EPHA4: variants seen among roughly 807,000 people sequenced by gnomAD.
EPHA4 encodes ephrin type-A receptor 4.
EPHA4 carries 19 observed loss-of-function variants against 108.3 expected under a neutral mutation model. The observed-to-expected ratio is 0.18, with a 90% CI of 0.12 to 0.26. EPHA4 has a LOEUF of 0.26. Among genes scored for constraint, EPHA4 ranks in the 10% least tolerant of loss-of-function variants. The pLI is 1.00. For missense variants in EPHA4, 917 were observed against 1,254.0 expected, an observed-to-expected ratio of 0.73 and a Z score of 4.06; for synonymous variants, 449 against 455.5, an observed-to-expected ratio of 0.99 and a Z score of 0.18.
intron 15 of EPHA4, 81 bp downstream of exon 15, chr2:221,429,877 C>T: frequency 6.6e-7 from 1 of 1,515,710 alleles, no homozygotes; most frequent in South Asian, 1.2e-5. Flanking sequence ...GATGAAAAGG[C>T]AGGAATTTAA....
intron 3 of EPHA4, among the ~76,000 whole-genome samples, chr2:221,521,073 T>C (rs1438100102): frequency 1.3e-5 from 2 of 152,210 alleles, no homozygotes; most frequent in African/African-American, 4.8e-5. Flanking sequence ...AATTATGAAA[T>C]TCTGATTATT....
At chr2:221,437,584 A>C (rs777695517) in intron 11 of EPHA4, 20 of 154,106 alleles carry the variant, frequency 1.3e-4, no homozygotes, top group Non-Finnish European at 2.9e-4. Flanking sequence ...AGCAGTAGCT[A>C]TGTTGAATCC....
At chr2:221,470,333 G>GC in intron 5 of EPHA4, among the ~76,000 whole-genome samples, 1 of 151,120 alleles carries the variant, frequency 6.6e-6, no homozygotes, top group East Asian at 2.0e-4. Context: ...GAGAGAAAGG[G>GC]CGGGGGGGAG....
chr2:221,531,362 G>A (rs1466060055), intron 3 of EPHA4, among the ~76,000 whole-genome samples: 1 of 151,952 alleles, frequency 6.6e-6, no homozygotes, highest in Non-Finnish European at 1.5e-5. Context: ...AAAGCCACGC[G>A]TACTTTTTGA....
intron 3 of EPHA4, among the ~76,000 whole-genome samples, chr2:221,551,373 T>G (rs562842300): frequency 6.6e-6 from 1 of 152,168 alleles, no homozygotes; most frequent in Non-Finnish European, 1.5e-5. Flanking sequence ...CTATCTCTTG[T>G]AGAAGTCAAC....
At chr2:221,433,545 C>A (rs545444993) in intron 14 of EPHA4, among the ~76,000 whole-genome samples, 9 of 151,634 alleles carry the variant, frequency 5.9e-5, no homozygotes, top group African/African-American at 2.2e-4. Flanking sequence ...TAATTAAATT[C>A]TATTACTCTG....
intron 5 of EPHA4, among the ~76,000 whole-genome samples, chr2:221,468,548 C>T (rs144552063): frequency 8.6e-4 from 131 of 152,258 alleles, no homozygotes; most frequent in African/African-American, 2.9e-3. Context: ...TGAGACAATG[C>T]TGTAACATTT....
chr2:221,497,611 G>A lies in EPHA4; in HGVS notation c.979+3406C>T, dbSNP rs372415880. Among the ~76,000 whole-genome samples, 114 of 152,074 alleles carry A rather than the reference G, an allele frequency of 7.5e-4. No individual in the cohort carries two copies. In the Middle Eastern group the frequency reaches 0.014, roughly 18 times the overall value. ...AACAAAAACAGGTGTGGTGGTGGGCGCCTGTAGTCCCAGCTACTCGGGAGG... is the reference window on the plus strand; with the variant it reads ...AACAAAAACAGGTGTGGTGGTGGGCACCTGTAGTCCCAGCTACTCGGGAGG... On this transcript the variant is annotated intron_variant, in intron 4 of 17. Transcript: ENST00000281821.
intron 2 of EPHA4, among the ~76,000 whole-genome samples, chr2:221,565,615 C>T (rs1288686460): frequency 6.6e-6 from 1 of 152,112 alleles, no homozygotes; most frequent in Non-Finnish European, 1.5e-5. Context: ...CACTGGCAAA[C>T]TCTTAATGGA....
At chr2:221,539,027 A>T (rs879259878) in intron 3 of EPHA4, among the ~76,000 whole-genome samples, 2 of 152,140 alleles carry the variant, frequency 1.3e-5, no homozygotes, top group Non-Finnish European at 2.9e-5. Context: ...GTTCACTGAA[A>T]AAGAGTATCC....
intron 5 of EPHA4, among the ~76,000 whole-genome samples, chr2:221,476,348 A>G (rs978039913): frequency 3.9e-5 from 6 of 152,034 alleles, no homozygotes; most frequent in African/African-American, 1.2e-4. Flanking sequence ...CAACACCTTC[A>G]TTTCAGGCCA....
At chr2:221,500,824 G>A (rs1309860985) in intron 4 of EPHA4, among the ~76,000 whole-genome samples, 193 bp downstream of exon 4, 1 of 152,196 alleles carries the variant, frequency 6.6e-6, no homozygotes, top group Non-Finnish European at 1.5e-5. Context: ...TGTGCACACT[G>A]AAGGCAACCA....
chr2:221,436,402 G>A lies in EPHA4; in HGVS notation c.2343C>T (p.Thr781=). The A allele has an allele frequency of 6.2e-7, 1 of 1,613,958 alleles. No homozygotes were observed. The change falls in exon 13 of 18, where the codon ACC becomes ACT. Residue 781 remains threonine, a synonymous_variant. Coordinates refer to ENST00000281821, the MANE Select transcript of EPHA4 (RefSeq NM_004438.5). ...LEDDPEAAYT[T]RGGKIPIRWT... The stretch of plus-strand genomic sequence containing the variant: ...AGATGTCACCGATCTTTCTTACCCT[G>A]GTGGTGTAAGCTGCTTCCGGATCAT...
At position 221,444,532 on chromosome 2, in the gene EPHA4, TG is replaced by T. The variant is rs373521931; in HGVS notation, c.1775-927del. On this transcript the variant is annotated intron_variant, in intron 9 of 17. Coordinates refer to ENST00000281821, the MANE Select transcript of EPHA4 (RefSeq NM_004438.5). ...TTGGTTAGGAATAAGCTCCTTAAAT[TG>T]GCAATTTCTTGCTACTTCTTTTTAA... is the stretch of plus-strand genomic sequence containing the variant. 3.7e-4 allele frequency among the ~76,000 whole-genome samples: 57 copies of T among 152,262 alleles called. 1 individual carries two copies. In the East Asian group the frequency reaches 0.01, roughly 28 times the overall value.
chr2:221,494,431 C>T (rs1008126775), intron 4 of EPHA4, among the ~76,000 whole-genome samples: 2 of 152,136 alleles, frequency 1.3e-5, no homozygotes, highest in African/African-American at 4.8e-5. Context: ...TAGCGAAACC[C>T]AGGCTCTACT....
chr2:221,511,577 G>A (rs775299725), intron 3 of EPHA4, among the ~76,000 whole-genome samples: 26 of 134,584 alleles, frequency 1.9e-4, no homozygotes, highest in Non-Finnish European at 4.0e-4. Flanking sequence ...GTCTGCGGGA[G>A]TCTGTCTGAA....
intron 1 of EPHA4, among the ~76,000 whole-genome samples, 166 bp from the exon 2 acceptor site, chr2:221,568,951 C>A (rs923099877): frequency 1.3e-5 from 2 of 152,190 alleles, no homozygotes; most frequent in East Asian, 3.8e-4. Context: ...CTCATTTGAT[C>A]TTCTCCCCCT....
intron 11 of EPHA4, among the ~76,000 whole-genome samples, chr2:221,440,278 G>A (rs1009764816): frequency 3.3e-5 from 5 of 152,172 alleles, no homozygotes; most frequent in African/African-American, 4.8e-5. Context: ...TAATAGCTAC[G>A]TGTTTTAGAG....
At chr2:221,572,860 T>C (rs1694892203), upstream of EPHA4, 1 of 152,372 alleles carries the variant, frequency 6.6e-6, no homozygotes, top group African/African-American at 2.4e-5. Flanking sequence ...TCTGAAATAC[T>C]CTTTGCGGGG....
Sources: gnomAD v4.1 joint callset for allele counts (sites outside exome capture counted in the v4.1 genomes callset) on GRCh38, gnomAD v4.1.1 for gene constraint, MANE v1.5 for transcripts, NCBI Gene and HGNC (gene_info 2026-07-23, HGNC 2026-07-21) for gene names.